The following JPH1 variants were observed in gnomAD, a reference collection of about 807,000 sequenced individuals.
The protein encoded by JPH1 is junctophilin-1.
In JPH1, 12 loss-of-function variants were observed where a neutral mutation model predicts 53.6. That is an observed-to-expected ratio of 0.22 (90% CI 0.14 to 0.36). The LOEUF (loss-of-function observed/expected upper bound fraction) is 0.36, where lower values mean the gene tolerates loss of function less well. Ranked by LOEUF, JPH1 falls within the 10% of genes least tolerant of loss-of-function variation. The pLI, the probability that JPH1 is intolerant of heterozygous loss-of-function variation, is 1.00. For synonymous variants in JPH1, 375 were observed against 363.8 expected, an observed-to-expected ratio of 1.03 and a Z score of -0.35; for missense variants, 808 against 905.5, an observed-to-expected ratio of 0.89 and a Z score of 1.38.
intron 3 of JPH1, among the ~76,000 whole-genome samples, chr8:74,255,142 C>G (rs1806181276): frequency 6.6e-6 from 1 of 152,108 alleles, no homozygotes; most frequent in African/African-American, 2.4e-5. Context: ...TGACTTCAAA[C>G]TATACTATAA....
intron 3 of JPH1, among the ~76,000 whole-genome samples, chr8:74,254,833 A>G (rs1422499261): frequency 6.6e-6 from 1 of 152,120 alleles, no homozygotes; most frequent in East Asian, 1.9e-4. Flanking sequence ...AATCCAACTT[A>G]CAAGGGATGT....
chr8:74,284,411 G>A (rs759755230), intron 2 of JPH1, among the ~76,000 whole-genome samples: 2 of 152,050 alleles, frequency 1.3e-5, no homozygotes, highest in Non-Finnish European at 2.9e-5. Flanking sequence ...CCTGTATTCC[G>A]GTCAAACGCT....
chr8:74,297,946 T>G (rs2131442500), intron 2 of JPH1, among the ~76,000 whole-genome samples: 1 of 152,336 alleles, frequency 6.6e-6, no homozygotes, highest in Middle Eastern at 3.4e-3. Flanking sequence ...TGTCTAGCAT[T>G]TTGTCTTAAT....
chr8:74,259,616 C>T (rs1346637218), intron 2 of JPH1, 113 bp from the exon 3 acceptor site: 8 of 760,210 alleles, frequency 1.1e-5, no homozygotes, highest in Admixed American at 3.6e-5. Context: ...TGGCCCGACA[C>T]CCACAAGAGC....
chr8:74,260,955 T>A (rs1202202257), intron 2 of JPH1, among the ~76,000 whole-genome samples: 1 of 152,206 alleles, frequency 6.6e-6, no homozygotes, highest in Non-Finnish European at 1.5e-5. Flanking sequence ...TGGCACATAC[T>A]ATTTATTGAG....
At chr8:74,262,571 C>T (rs771670671) in intron 2 of JPH1, among the ~76,000 whole-genome samples, 1 of 152,180 alleles carries the variant, frequency 6.6e-6, no homozygotes, top group Non-Finnish European at 1.5e-5. Flanking sequence ...AATCTTCAGA[C>T]CCTCAAGAAT....
At chr8:74,237,156 GA>G in intron 5 of JPH1, 51 bp downstream of exon 5, 2 of 1,229,502 alleles carry the variant, frequency 1.6e-6, no homozygotes, top group Non-Finnish European at 1.2e-6. Context: ...TTGCATATGA[GA>G]AAAGAATGTT....
chr8:74,241,594 G>A (rs1805692050), intron 4 of JPH1, among the ~76,000 whole-genome samples: 1 of 152,076 alleles, frequency 6.6e-6, no homozygotes, highest in African/African-American at 2.4e-5. Context: ...ATTTAAAACT[G>A]TAAGGAATTT....
intron 3 of JPH1, among the ~76,000 whole-genome samples, chr8:74,251,045 C>T (rs559974372): frequency 6.6e-6 from 1 of 152,312 alleles, no homozygotes; most frequent in East Asian, 1.9e-4. Flanking sequence ...GTAATGGCAT[C>T]AAGCTGGGCT....
chr8:74,251,009 C>A (rs1363586360), intron 3 of JPH1, among the ~76,000 whole-genome samples: 1 of 152,180 alleles, frequency 6.6e-6, no homozygotes, highest in Non-Finnish European at 1.5e-5. Context: ...GGAATCAGAA[C>A]AAGAAGCATG....
At chr8:74,276,900 C>A (rs1233641608) in intron 2 of JPH1, among the ~76,000 whole-genome samples, 1 of 152,164 alleles carries the variant, frequency 6.6e-6, no homozygotes, top group East Asian at 1.9e-4. Context: ...TGAGTTGATT[C>A]TTGCATATAA....
Position 74,261,726 on chromosome 8 carries a change from C to T in JPH1, c.1140-2223G>A, listed in dbSNP as rs561012584. On this transcript the variant is annotated intron_variant, in intron 2 of 5. Transcript: ENST00000342232. ...CCCCCAAATGATTTTCCATTTTGTC[C>T]GCTATTCTTAGCCAGAGCCTAATTA... is the stretch of plus-strand genomic sequence containing the variant. Among the ~76,000 whole-genome samples the T allele has an allele frequency of 3.9e-5, 6 of 152,178 alleles. 1 individual carries two copies. The highest frequency in any genetic ancestry group is 2.1e-4 in the South Asian group (1 of 4,810).
In JPH1 at chr8:74,315,452, G is replaced by A. The variant is rs772254999; in HGVS notation, c.548C>T (p.Ala183Val). 6.8e-6 allele frequency: 11 copies of A among 1,608,608 alleles called. No individual in the cohort carries two copies. Among genetic ancestry groups the A allele is most frequent in the Non-Finnish European group, 9.3e-6 (11 of 1,178,050 alleles). ...GSVLHDAAAA[A>V]DSPAGTRGGF... ...GCCGCGGGTGCCGGCCGGGCTGTCG[G>A]CGGCGGCTGCGGCGTCGTGGAGCAC... Residue 183 changes from alanine to valine, a missense_variant, in exon 2 of 6, where the codon GCC (alanine) becomes GTC (valine). By Grantham distance (64) the Ala-to-Val change is moderately conservative (BLOSUM62 0). Coordinates refer to ENST00000342232, the MANE Select transcript of JPH1 (RefSeq NM_020647.4). The surrounding 1 kb of genome is among the most constrained non-coding windows in gnomAD (Gnocchi z 6.3).
At chr8:74,240,659 C>A (rs1042414001) in intron 4 of JPH1, among the ~76,000 whole-genome samples, 10 of 152,122 alleles carry the variant, frequency 6.6e-5, no homozygotes, top group Non-Finnish European at 1.5e-4. Flanking sequence ...CTATTCTGGG[C>A]TACTGGGTTT....
intron 2 of JPH1, among the ~76,000 whole-genome samples, chr8:74,300,160 AATATCACTAGGCT>A (rs2131444891): frequency 6.6e-6 from 1 of 152,328 alleles, no homozygotes; most frequent in South Asian, 2.1e-4. Flanking sequence ...ACAAAAACAA[AATATCACTAGGCT>A]ATAGGCCAAG....
chr8:74,314,820 C>T, intron 2 of JPH1, 41 bp downstream of exon 2: 2 of 1,609,654 alleles, frequency 1.2e-6, no homozygotes, highest in Non-Finnish European at 1.7e-6. Flanking sequence ...CTCCATTGTT[C>T]TGACCAACCC....
In JPH1 at chr8:74,315,556, G is replaced by A; in HGVS notation, c.444C>T (p.Pro148=). ...RHGYGVRQSV[P]YGMATVIRSP... ...AGCGGATCACCGTGGCCATGCCGTAGGGCACGCTCTGGCGCACGCCGTAGC... is the reference window on the plus strand; with the variant it reads ...AGCGGATCACCGTGGCCATGCCGTAAGGCACGCTCTGGCGCACGCCGTAGC... The change falls in exon 2 of 6, where the codon CCC becomes CCT. Residue 148 remains proline, a synonymous_variant. Transcript: ENST00000342232. The surrounding 1 kb of genome is among the most constrained non-coding windows in gnomAD (Gnocchi z 6.3). 6.2e-7 allele frequency: 1 copy of A among 1,606,106 alleles called. No homozygotes were observed. Among genetic ancestry groups the A allele is most frequent in the South Asian group, 1.1e-5 (1 of 90,856 alleles).
chr8:74,241,494 G>C (rs1025076485), intron 4 of JPH1, among the ~76,000 whole-genome samples: 3 of 152,114 alleles, frequency 2.0e-5, no homozygotes, highest in East Asian at 1.9e-4. Context: ...TTTCCAGGTG[G>C]TAAGAAAATA....
At chr8:74,311,251 A>C (rs1807985547) in intron 2 of JPH1, among the ~76,000 whole-genome samples, 1 of 152,226 alleles carries the variant, frequency 6.6e-6, no homozygotes. Context: ...AGCTACCAAG[A>C]GACTTAGTTT....
Sources: gnomAD v4.1 joint callset for allele counts (sites outside exome capture counted in the v4.1 genomes callset) on GRCh38, gnomAD v4.1.1 for gene constraint, Gnocchi (gnomAD v3.1) non-coding constraint, MANE v1.5 for transcripts, NCBI Gene and HGNC (gene_info 2026-07-23, HGNC 2026-07-21) for gene names.